The following ABL1 variants were observed in gnomAD, a reference collection of about 807,000 sequenced individuals.
The protein encoded by ABL1 is ABL proto-oncogene 1, non-receptor tyrosine kinase.
A neutral mutation model predicts 94.7 loss-of-function variants in ABL1; 11 were observed. The ratio of observed to expected loss-of-function variants is 0.12; its 90% CI spans 0.07 to 0.19. ABL1 has a LOEUF of 0.19. Among genes scored for constraint, ABL1 ranks in the 10% least tolerant of loss-of-function variants. ABL1 has a pLI of 1.00. For missense variants in ABL1, 1,082 were observed against 1,489.4 expected (o/e 0.73, Z 4.50); for synonymous variants, 656 against 622.4 (o/e 1.05, Z -0.80).
Position 130,797,948 on chromosome 9 carries a change from T to TC in ABL1, c.137-56113dup, listed in dbSNP as rs541968159. On this transcript the variant is annotated intron_variant, in intron 1 of 10. Transcript: ENST00000372348. ...TGTGCCCCATGTCTTTTCACTTTTTTCCCTCTCTCTTTCTCTCCCCTTCCC... is the reference window on the plus strand; with the variant it reads ...TGTGCCCCATGTCTTTTCACTTTTTTCCCCTCTCTCTTTCTCTCCCCTTCCC... 3.9e-3 allele frequency among the ~76,000 whole-genome samples: 600 copies of TC among 152,246 alleles called. 8 individuals are homozygous for TC. The highest frequency in any genetic ancestry group is 0.014 in the African/African-American group (567 of 41,546).
intron 1 of ABL1, among the ~76,000 whole-genome samples, chr9:130,760,568 T>C (rs184324803): frequency 8.3e-4 from 126 of 152,320 alleles, no homozygotes; most frequent in Non-Finnish European, 1.3e-3. Context: ...TCTGCTTAAA[T>C]GTTAGGAAAC....
intron 1 of ABL1, among the ~76,000 whole-genome samples, chr9:130,806,298 C>A (rs746512020): frequency 5.3e-5 from 8 of 152,164 alleles, no homozygotes; most frequent in Non-Finnish European, 1.0e-4. Flanking sequence ...ACAAGGAGCT[C>A]ACAGTCTGGC....
intron 1 of ABL1, among the ~76,000 whole-genome samples, chr9:130,828,928 GAATAAT>G (rs1425099615): frequency 6.6e-6 from 1 of 152,032 alleles, no homozygotes; most frequent in Non-Finnish European, 1.5e-5. Context: ...TGAGTGCCCA[GAATAAT>G]ATATGAAAGG....
chr9:130,882,982 G>A (rs1297439223), intron 10 of ABL1, among the ~76,000 whole-genome samples: 1 of 152,082 alleles, frequency 6.6e-6, no homozygotes, highest in African/African-American at 2.4e-5. Context: ...CGTGGCACAA[G>A]CTGGGGGCTG....
Position 130,880,806 on chromosome 9 carries a change from G to A in ABL1, c.1678+142G>A, listed in dbSNP as rs1439421912. 11 of 1,053,756 alleles carry A rather than the reference G, an allele frequency of 1.0e-5. No individual in the cohort carries two copies. The highest frequency in any genetic ancestry group is 5.6e-5 in the Admixed American group (2 of 35,836). The allele number at this position is 1,053,756 out of a possible 1,614,324, so 65.3% of individuals were successfully genotyped here. On this transcript the variant is annotated intron_variant, in intron 10 of 10. Transcript: ENST00000318560. The surrounding 1 kb of genome is among the most constrained non-coding windows in gnomAD (Gnocchi z 4.4). ...TGGCCTTTGTCAATGGTTCAGCTTCGGAAGGAGGAAGGTTCTCCTCTCCCC... is the reference window on the plus strand; with the variant it reads ...TGGCCTTTGTCAATGGTTCAGCTTCAGAAGGAGGAAGGTTCTCCTCTCCCC...
chr9:130,754,433 G>A, intron 1 of ABL1, among the ~76,000 whole-genome samples: 1 of 148,902 alleles, frequency 6.7e-6, no homozygotes, highest in African/African-American at 2.5e-5. Flanking sequence ...GCGTGAACCT[G>A]GGAGGCGGAG....
chr9:130,798,963 T>A (rs1830017797), intron 1 of ABL1, among the ~76,000 whole-genome samples: 1 of 82,604 alleles, frequency 1.2e-5, no homozygotes, highest in Non-Finnish European at 2.2e-5. Flanking sequence ...AGAGACTCCG[T>A]CTCAAAAAAA....
intron 6 of ABL1, 42 bp downstream of exon 6, chr9:130,873,079 G>T: frequency 6.3e-7 from 1 of 1,588,456 alleles, no homozygotes; most frequent in South Asian, 1.1e-5. Flanking sequence ...GAGTCACAGG[G>T]CGTGGAGCCG....
Position 130,853,170 on chromosome 9 carries a change from C to CTTTTTTTT in ABL1, c.80-878_80-871dup, listed in dbSNP as rs11418318. ...AGCCCTTCTGTACGATTTGACTTTT[C>CTTTTTTTT]TTTTTTTTTTTTTTTTTTTTTTTGA... On this transcript the variant is annotated intron_variant, in intron 1 of 10. Coordinates refer to ENST00000318560, the MANE Select transcript of ABL1 (RefSeq NM_005157.6). Among the ~76,000 whole-genome samples the CTTTTTTTT allele has an allele frequency of 3.5e-3, 264 of 75,318 alleles. 13 individuals carry two copies. The highest frequency in any genetic ancestry group is 9.1e-3 in the African/African-American group (168 of 18,436). 49.4% of individuals were successfully genotyped at this position (75,318 alleles called of 152,430 possible).
chr9:130,813,393 C>T (rs1830238244), intron 1 of ABL1, among the ~76,000 whole-genome samples: 2 of 151,060 alleles, frequency 1.3e-5, no homozygotes, highest in African/African-American at 4.9e-5. Context: ...AACCCCTTCT[C>T]TACTAAAAAT....
chr9:130,822,091 G>T (rs554439977), intron 1 of ABL1, among the ~76,000 whole-genome samples: 10 of 152,128 alleles, frequency 6.6e-5, no homozygotes, highest in African/African-American at 2.4e-4. Flanking sequence ...GCCTGCCTCG[G>T]CCTCCCAAAG....
At chr9:130,873,096 C>T in intron 6 of ABL1, 59 bp downstream of exon 6, 1 of 1,550,424 alleles carries the variant, frequency 6.4e-7, no homozygotes, top group Non-Finnish European at 8.7e-7. Flanking sequence ...GCCGGGCAGC[C>T]TTTTACAAAA....
At chr9:130,778,525 C>T (rs553301912) in intron 1 of ABL1, among the ~76,000 whole-genome samples, 2 of 152,096 alleles carry the variant, frequency 1.3e-5, no homozygotes, top group Non-Finnish European at 2.9e-5. Flanking sequence ...GGTTTTCCCC[C>T]GCCCTCTGTG....
chr9:130,726,453 T>C (rs1831587284), intron 1 of ABL1, among the ~76,000 whole-genome samples: 1 of 152,228 alleles, frequency 6.6e-6, no homozygotes. Flanking sequence ...TGTGGTGATA[T>C]GCTTTTTCCA....
At chr9:130,749,126 A>C (rs1164541137) in intron 1 of ABL1, among the ~76,000 whole-genome samples, 2 of 151,828 alleles carry the variant, frequency 1.3e-5, no homozygotes, top group African/African-American at 4.8e-5. Context: ...TTTTCTCTTG[A>C]AGCAGTGGTT....
At chr9:130,716,438 T>C (rs1011204614) in intron 1 of ABL1, among the ~76,000 whole-genome samples, 1 of 152,170 alleles carries the variant, frequency 6.6e-6, no homozygotes, top group Non-Finnish European at 1.5e-5. Flanking sequence ...GCAAAAATTA[T>C]TAATTTTATT....
chr9:130,769,459 G>C (rs905036462), intron 1 of ABL1, among the ~76,000 whole-genome samples: 3 of 150,780 alleles, frequency 2.0e-5, no homozygotes, highest in Non-Finnish European at 4.4e-5. Context: ...AGCCTGCCAG[G>C]TAGCTGGGAT....
intron 1 of ABL1, among the ~76,000 whole-genome samples, chr9:130,730,998 CTTTTT>C (rs11300328): frequency 8.1e-4 from 52 of 64,490 alleles, no homozygotes; most frequent in Admixed American, 4.3e-3. Flanking sequence ...CTCTATCTCT[CTTTTT>C]TTTTTTTTTT....
chr9:130,789,792 AT>A (rs1238167687), intron 1 of ABL1, among the ~76,000 whole-genome samples: 2 of 152,242 alleles, frequency 1.3e-5, no homozygotes, highest in Non-Finnish European at 2.9e-5. Context: ...AAATTTATGG[AT>A]TGGTTAAATG....
Sources: allele counts gnomAD v4.1 joint callset (sites outside exome capture counted in the v4.1 genomes callset), GRCh38; gene constraint gnomAD v4.1.1; non-coding constraint Gnocchi (gnomAD v3.1); transcripts MANE v1.5; gene names NCBI Gene and HGNC (gene_info 2026-07-23, HGNC 2026-07-21).